Variants in RALYL observed in about 807,000 individuals in gnomAD.
RALYL encodes RNA-binding Raly-like protein.
A neutral mutation model predicts 35.1 loss-of-function variants in RALYL; 29 were observed. That is an observed-to-expected ratio of 0.83 (90% confidence interval 0.61 to 1.13). The LOEUF (loss-of-function observed/expected upper bound fraction) is 1.13, where lower values mean the gene tolerates loss of function less well. Ranked by LOEUF, RALYL falls within the 50% of genes most tolerant of loss-of-function variation. The pLI, the probability that RALYL is intolerant of heterozygous loss-of-function variation, is 0.00. For missense variants in RALYL, 359 were observed against 360.4 expected (o/e 1.00, Z 0.03); for synonymous variants, 120 against 127.6 (o/e 0.94, Z 0.40).
intron 2 of RALYL, among the ~76,000 whole-genome samples, chr8:84,722,717 G>A (rs956244780): frequency 2.1e-5 from 3 of 145,300 alleles, no homozygotes; most frequent in East Asian, 4.0e-4. Context: ...TTGTGTATGT[G>A]TGTATATATA....
intron 4 of RALYL, among the ~76,000 whole-genome samples, chr8:84,842,061 G>A (rs898757972): frequency 9.2e-5 from 14 of 152,138 alleles, no homozygotes; most frequent in Middle Eastern, 3.2e-3. Context: ...AAAAGAACTA[G>A]AGAAGCAAGA....
At chr8:84,467,266 T>C (rs1415763266) in intron 1 of RALYL, among the ~76,000 whole-genome samples, 1 of 152,076 alleles carries the variant, frequency 6.6e-6, no homozygotes, top group African/African-American at 2.4e-5. Context: ...TCCTGCTTTC[T>C]CTTGTGGGCA....
At chr8:84,394,585 G>A (rs578180884) in intron 1 of RALYL, among the ~76,000 whole-genome samples, 1 of 151,948 alleles carries the variant, frequency 6.6e-6, no homozygotes, top group African/African-American at 2.4e-5. Context: ...TTATTGCTTA[G>A]GCACATAGTT....
chr8:84,709,787 G>A (rs146160111), intron 2 of RALYL, among the ~76,000 whole-genome samples: 6 of 152,200 alleles, frequency 3.9e-5, no homozygotes, highest in South Asian at 4.1e-4. Context: ...TCAGCCAGGC[G>A]CAGTGTCTCA....
At chr8:84,523,997 G>A (rs973483435) in intron 1 of RALYL, among the ~76,000 whole-genome samples, 1 of 152,034 alleles carries the variant, frequency 6.6e-6, no homozygotes, top group African/African-American at 2.4e-5. Flanking sequence ...TGTCTTTATA[G>A]CAGCATGATT....
At chr8:84,534,846 T>C (rs1174213355) in intron 2 of RALYL, among the ~76,000 whole-genome samples, 1 of 152,224 alleles carries the variant, frequency 6.6e-6, no homozygotes, top group Non-Finnish European at 1.5e-5. Context: ...AATCTTGAAA[T>C]TCTTCAACAG....
chr8:84,903,171 C>A (rs1318835998), intron 8 of RALYL, among the ~76,000 whole-genome samples: 1 of 151,994 alleles, frequency 6.6e-6, no homozygotes, highest in Non-Finnish European at 1.5e-5. Context: ...TTGAGGAATT[C>A]TCTGTTGAGC....
intron 1 of RALYL, among the ~76,000 whole-genome samples, chr8:84,495,203 C>T (rs1026110547): frequency 1.3e-5 from 2 of 151,930 alleles, no homozygotes; most frequent in East Asian, 1.9e-4. Context: ...ACTAAGACCT[C>T]CATTTCAGCA....
At chr8:84,406,561 G>A (rs2043518742) in intron 1 of RALYL, among the ~76,000 whole-genome samples, 1 of 151,958 alleles carries the variant, frequency 6.6e-6, no homozygotes, top group Admixed American at 6.6e-5. Flanking sequence ...TGGAAAATAA[G>A]AGGTGGCACT....
At chr8:84,268,876 TATATG>T (rs1833799521) in intron 1 of RALYL, among the ~76,000 whole-genome samples, 1 of 152,198 alleles carries the variant, frequency 6.6e-6, no homozygotes, top group Admixed American at 6.6e-5. Flanking sequence ...AAGCATATCA[TATATG>T]AGAAAGAATT....
At chr8:84,297,550 ATATT>A (rs1839995222) in intron 1 of RALYL, among the ~76,000 whole-genome samples, 1 of 152,112 alleles carries the variant, frequency 6.6e-6, no homozygotes, top group Non-Finnish European at 1.5e-5. Flanking sequence ...AGCATAATTT[ATATT>A]TTTGGAGGTA....
chr8:84,692,077 T>C (rs1228290833), intron 2 of RALYL, among the ~76,000 whole-genome samples: 1 of 152,018 alleles, frequency 6.6e-6, no homozygotes, highest in African/African-American at 2.4e-5. Flanking sequence ...AAGGGATGTC[T>C]TTAATGTAAC....
chr8:84,515,041 G>C (rs2057946746), intron 1 of RALYL, among the ~76,000 whole-genome samples: 1 of 152,068 alleles, frequency 6.6e-6, no homozygotes. Context: ...TTTGGCTTCT[G>C]GTCTCTCAAG....
intron 5 of RALYL, among the ~76,000 whole-genome samples, chr8:84,851,843 C>G (rs1036421915): frequency 1.3e-5 from 2 of 152,198 alleles, no homozygotes; most frequent in African/African-American, 4.8e-5. Flanking sequence ...TCTCGCTCAG[C>G]GCCCAGCACT....
intron 1 of RALYL, among the ~76,000 whole-genome samples, chr8:84,420,259 T>G (rs1368573640): frequency 2.6e-5 from 4 of 152,126 alleles, no homozygotes; most frequent in Admixed American, 2.6e-4. Flanking sequence ...GAGATGGTAT[T>G]TCATAGTGGT....
At chr8:84,651,068 T>A (rs1344741680) in intron 2 of RALYL, among the ~76,000 whole-genome samples, 1 of 151,732 alleles carries the variant, frequency 6.6e-6, no homozygotes, top group Non-Finnish European at 1.5e-5. Flanking sequence ...CTGGGGACTG[T>A]TGTGGGGTGG....
intron 2 of RALYL, among the ~76,000 whole-genome samples, chr8:84,759,938 C>T (rs1174046814): frequency 1.3e-5 from 2 of 152,040 alleles, no homozygotes; most frequent in Non-Finnish European, 2.9e-5. Flanking sequence ...ATGTCTCAGC[C>T]CTTTCAGGCA....
At chr8:84,401,465 C>T (rs1403178642) in intron 1 of RALYL, among the ~76,000 whole-genome samples, 3 of 151,276 alleles carry the variant, frequency 2.0e-5, no homozygotes, top group African/African-American at 4.9e-5. Flanking sequence ...GGTGAAACCC[C>T]GTCTCTACTA....
In RALYL at chr8:84,478,922, T is replaced by TAAAAAAAAAAAAAAAAAAAAAAAAA. The variant is rs1587656659; in HGVS notation, c.-23-50372_-23-50371insAAAAAAAAAAAAAAAAAAAAAAAAA. On this transcript the variant is annotated intron_variant, in intron 1 of 8. Transcript: ENST00000521268. The stretch of plus-strand genomic sequence containing the variant: ...TAACACCGTGAAACCCCGTCTCTAC[T>TAAAAAAAAAAAAAAAAAAAAAAAAA]AAAAATACAAAACATTAGCCGGGCA... Among the ~76,000 whole-genome samples the TAAAAAAAAAAAAAAAAAAAAAAAAA allele has an allele frequency of 4.9e-3, 419 of 84,926 alleles. 29 individuals carry two copies. The highest frequency in any genetic ancestry group is 7.0e-3 in the Non-Finnish European group (261 of 37,256). 55.7% of individuals were successfully genotyped at this position (84,926 alleles called of 152,430 possible).
Sources: allele counts gnomAD v4.1 joint callset (sites outside exome capture counted in the v4.1 genomes callset), GRCh38; gene constraint gnomAD v4.1.1; transcripts MANE v1.5; gene names NCBI Gene and HGNC (gene_info 2026-07-23, HGNC 2026-07-21).